The following LRP1B variants were observed in gnomAD, a reference collection of about 807,000 sequenced individuals.
The protein encoded by LRP1B is low-density lipoprotein receptor-related protein 1B.
LRP1B carries 217 observed loss-of-function variants against 556.6 expected under a neutral mutation model. The ratio of observed to expected loss-of-function variants is 0.39; its 90% CI spans 0.35 to 0.44. LRP1B has a LOEUF of 0.44. Among genes scored for constraint, LRP1B ranks in the 20% least tolerant of loss-of-function variants. The probability of loss-of-function intolerance (pLI) is 1.00; values close to 1 mark genes in which losing one functional copy is unlikely to be tolerated. For missense variants in LRP1B, 5,053 were observed against 5,620.8 expected (o/e 0.90, Z 3.23); for synonymous variants, 2,047 against 1,865.8 (o/e 1.10, Z -2.50).
intron 3 of LRP1B, among the ~76,000 whole-genome samples, chr2:141,413,187 A>T (rs1690921018): frequency 6.6e-6 from 1 of 152,178 alleles, no homozygotes; most frequent in Admixed American, 6.5e-5. Flanking sequence ...CAGTTGCAAC[A>T]CTGCACTCCA....
chr2:141,531,700 A>C (rs940287503), intron 2 of LRP1B, among the ~76,000 whole-genome samples: 1 of 152,138 alleles, frequency 6.6e-6, no homozygotes, highest in African/African-American at 2.4e-5. Context: ...ATAAGGATGG[A>C]TTAGACAATG....
At chr2:141,608,765 T>A (rs1387635332) in intron 2 of LRP1B, among the ~76,000 whole-genome samples, 1 of 152,234 alleles carries the variant, frequency 6.6e-6, no homozygotes, top group African/African-American at 2.4e-5. Context: ...TAGGACACTT[T>A]ATTGTAAATT....
intron 43 of LRP1B, among the ~76,000 whole-genome samples, chr2:140,555,923 T>G (rs1197216743): frequency 6.6e-6 from 1 of 152,052 alleles, no homozygotes; most frequent in Non-Finnish European, 1.5e-5. Context: ...AAGCAGAGTT[T>G]TATCTAAGCA....
intron 11 of LRP1B, among the ~76,000 whole-genome samples, chr2:141,037,410 C>G (rs547078466): frequency 3.3e-5 from 5 of 152,204 alleles, no homozygotes; most frequent in South Asian, 4.1e-4. Context: ...CACCTCAACT[C>G]TAGTGATGGA....
intron 3 of LRP1B, among the ~76,000 whole-genome samples, chr2:141,309,696 T>C (rs1214440615): frequency 1.3e-5 from 2 of 151,890 alleles, no homozygotes; most frequent in Non-Finnish European, 2.9e-5. Context: ...GGGAGCAACA[T>C]ACACCAGGGC....
chr2:140,350,679 T>C, intron 77 of LRP1B, 118 bp downstream of exon 77: 1 of 827,768 alleles, frequency 1.2e-6, no homozygotes, highest in Non-Finnish European at 1.8e-6. Context: ...AGGAGAATAT[T>C]GGGAGAATAA....
At chr2:140,691,824 A>G (rs1372363109) in intron 41 of LRP1B, among the ~76,000 whole-genome samples, 2 of 152,172 alleles carry the variant, frequency 1.3e-5, no homozygotes, top group African/African-American at 4.8e-5. Flanking sequence ...TTTGAAAGTT[A>G]TTTATTTATA....
At chr2:141,520,332 C>A (rs1235622334) in intron 2 of LRP1B, among the ~76,000 whole-genome samples, 1 of 152,164 alleles carries the variant, frequency 6.6e-6, no homozygotes. Context: ...TTATCAAAAC[C>A]AGTCGTAATT....
chr2:140,301,248 A>G (rs1573755625), intron 83 of LRP1B, among the ~76,000 whole-genome samples: 1 of 152,108 alleles, frequency 6.6e-6, no homozygotes, highest in Admixed American at 6.6e-5. Flanking sequence ...AGCAAATCTA[A>G]TATCTGCCAA....
At chr2:141,398,101 A>G (rs886136985) in intron 3 of LRP1B, among the ~76,000 whole-genome samples, 4 of 152,178 alleles carry the variant, frequency 2.6e-5, no homozygotes, top group African/African-American at 9.7e-5. Context: ...TATGTGAAAT[A>G]AATTCACAAA....
chr2:142,068,573 TTGA>T (rs1046958011), intron 1 of LRP1B, among the ~76,000 whole-genome samples: 7 of 150,068 alleles, frequency 4.7e-5, no homozygotes, highest in African/African-American at 1.5e-4. Flanking sequence ...TTCCCTTGTA[TTGA>T]TGATATTTTT....
chr2:142,049,396 G>T (rs1300253915), intron 1 of LRP1B, among the ~76,000 whole-genome samples: 2 of 151,950 alleles, frequency 1.3e-5, no homozygotes, highest in African/African-American at 2.4e-5. Flanking sequence ...CTTTTATAAA[G>T]GTATGAAGAA....
chr2:140,656,951 A>G (rs1439209803), intron 41 of LRP1B, among the ~76,000 whole-genome samples: 1 of 152,170 alleles, frequency 6.6e-6, no homozygotes, highest in Non-Finnish European at 1.5e-5. Context: ...AAACAAGACA[A>G]TGAATTTCAT....
At chr2:140,465,601 G>C (rs1182603057) in intron 60 of LRP1B, among the ~76,000 whole-genome samples, 1 of 151,554 alleles carries the variant, frequency 6.6e-6, no homozygotes, top group African/African-American at 2.4e-5. Flanking sequence ...TATTCTTTTC[G>C]CACACTCCAC....
intron 1 of LRP1B, among the ~76,000 whole-genome samples, chr2:141,951,146 A>G (rs1701093882): frequency 6.6e-6 from 1 of 151,964 alleles, no homozygotes; most frequent in African/African-American, 2.4e-5. Context: ...TTTTTCTTTC[A>G]CATTATGCTT....
intron 18 of LRP1B, among the ~76,000 whole-genome samples, chr2:140,964,560 G>C (rs1480501950): frequency 2.7e-5 from 4 of 150,100 alleles, no homozygotes; most frequent in African/African-American, 9.8e-5. Context: ...CCCTGTCCAG[G>C]CATAACAGAA....
intron 41 of LRP1B, among the ~76,000 whole-genome samples, chr2:140,699,346 A>G (rs1686547758): frequency 6.6e-6 from 1 of 152,070 alleles, no homozygotes. Flanking sequence ...TTCCACTTTT[A>G]TAATTAAAAA....
intron 27 of LRP1B, among the ~76,000 whole-genome samples, chr2:140,855,336 T>A (rs1692582726): frequency 6.7e-6 from 1 of 148,432 alleles, no homozygotes; most frequent in African/African-American, 2.5e-5. Context: ...TTGTTGTCTT[T>A]GTAGAACACA....
chr2:140,840,062 T>C lies in LRP1B; in HGVS notation c.5138A>G (p.Asn1713Ser). 1.2e-6 allele frequency: 2 copies of C among 1,611,000 alleles called. No individual in the cohort carries two copies. Among genetic ancestry groups the C allele is most frequent in the Non-Finnish European group, 8.5e-7 (1 of 1,178,520 alleles). The change falls in exon 31 of 91, where the codon AAC (asparagine) becomes AGC (serine). Residue 1713 changes from asparagine (N) to serine (S), a missense_variant. By Grantham distance (46) the Asn-to-Ser change is conservative (BLOSUM62 1). This residue lies in a region of LRP1B where 3,619 missense variants were observed against 3,931.9 expected (regional missense o/e 0.92). Coordinates refer to ENST00000389484, the MANE Select transcript of LRP1B (RefSeq NM_018557.3). ...VRGKLYWTDG[N>S]TINMANMDGS... ...ATCCATATTTGCCATGTTAATTGTGTTTCCATCGGTCCAGTAGAGTTTTCT... is the reference window on the plus strand; with the variant it reads ...ATCCATATTTGCCATGTTAATTGTGCTTCCATCGGTCCAGTAGAGTTTTCT...
Sources: allele counts gnomAD v4.1 joint callset (sites outside exome capture counted in the v4.1 genomes callset), GRCh38; gene constraint gnomAD v4.1.1; regional missense constraint gnomAD v4.1.1; transcripts MANE v1.5; gene names NCBI Gene and HGNC (gene_info 2026-07-23, HGNC 2026-07-21).